Variants in ANXA13 observed in about 807,000 individuals in gnomAD.
ANXA13 encodes annexin XIII.
ANXA13 carries 36 observed loss-of-function variants against 46.6 expected under a neutral mutation model. That is an observed-to-expected ratio of 0.77 (90% CI 0.59 to 1.02). The LOEUF is 1.02. Ranked by LOEUF, ANXA13 falls within the 50% of genes least tolerant of loss-of-function variation. The pLI is 0.00. For missense variants in ANXA13, 417 were observed against 396.5 expected (o/e 1.05, Z -0.44); for synonymous variants, 163 against 152.9 (o/e 1.07, Z -0.49).
chr8:123,693,623 C>G (rs1813280267), intron 7 of ANXA13, 88 bp downstream of exon 7: 3 of 1,179,712 alleles, frequency 2.5e-6, no homozygotes, highest in Non-Finnish European at 3.7e-6. Context: ...CAAGTAACTC[C>G]TCTTTGCATG....
At position 123,684,504 on chromosome 8, in the gene ANXA13, T is replaced by C. The variant is rs1813099984; in HGVS notation, c.831+106A>G. On this transcript the variant is annotated intron_variant, in intron 10 of 10. Transcript: ENST00000419625. ...GGAAGGCAAGGGGCCGTCTCTGTTT[T>C]ACTTTTTCTGTAAATAGGCCCTTAA... 4.0e-6 allele frequency: 3 copies of C among 754,728 alleles called. No homozygotes were observed. In the Admixed American group the frequency reaches 7.1e-5, roughly 18 times the overall value. 46.8% of individuals were successfully genotyped at this position (754,728 alleles called of 1,614,324 possible).
intron 2 of ANXA13, among the ~76,000 whole-genome samples, chr8:123,705,621 A>G (rs1050876161): frequency 6.6e-6 from 1 of 152,238 alleles, no homozygotes; most frequent in African/African-American, 2.4e-5. Flanking sequence ...TGGCCACTAC[A>G]TGGCAGTGTG....
chr8:123,691,841 A>G (rs973308269), intron 8 of ANXA13, among the ~76,000 whole-genome samples: 1 of 152,166 alleles, frequency 6.6e-6, no homozygotes, highest in Non-Finnish European at 1.5e-5. Flanking sequence ...ATCAACTTTG[A>G]GATATTAGCC....
At chr8:123,732,316 G>A (rs140769618) in intron 1 of ANXA13, among the ~76,000 whole-genome samples, 2 of 152,182 alleles carry the variant, frequency 1.3e-5, no homozygotes, top group Admixed American at 6.5e-5. Flanking sequence ...GCTTGGTGGC[G>A]TGAAGGACTC....
At chr8:123,689,072 T>C in intron 8 of ANXA13, 126 bp from the exon 9 acceptor site, 1 of 815,300 alleles carries the variant, frequency 1.2e-6, no homozygotes, top group African/African-American at 1.7e-5. Context: ...AGGGAACTGC[T>C]ATCCTGACTC....
At chr8:123,717,550 A>G (rs1414088318) in intron 1 of ANXA13, among the ~76,000 whole-genome samples, 1 of 152,252 alleles carries the variant, frequency 6.6e-6, no homozygotes, top group African/African-American at 2.4e-5. Flanking sequence ...TACTTGTCAA[A>G]TATTTATCTT....
rs947589971 is a variant in ANXA13, at chr8:123,695,669, A to G, written c.391+19T>C. The G allele has an allele frequency of 1.4e-5, 22 of 1,613,244 alleles. No homozygotes were observed. The African/African-American group carries it at 1.7e-4, about 13-fold the overall frequency. ...AAAGAAACATACTTTATCCAAAGCC[A>G]GAATGAAAAGTCACTTACGCCTTTG... On this transcript the variant is annotated intron_variant, in intron 5 of 10. Transcript: ENST00000419625.
chr8:123,730,591 A>C (rs892176511), intron 1 of ANXA13, among the ~76,000 whole-genome samples: 1 of 152,184 alleles, frequency 6.6e-6, no homozygotes, highest in African/African-American at 2.4e-5. Context: ...ATTTGGAAAG[A>C]GAGTCTTTGT....
intron 3 of ANXA13, among the ~76,000 whole-genome samples, chr8:123,702,048 T>A (rs748199346): frequency 7.2e-5 from 11 of 152,170 alleles, no homozygotes; most frequent in Non-Finnish European, 1.3e-4. Context: ...TACAGCATAA[T>A]AATTGATATT....
chr8:123,704,027 G>T (rs539025233), intron 2 of ANXA13, among the ~76,000 whole-genome samples: 1 of 152,200 alleles, frequency 6.6e-6, no homozygotes, highest in African/African-American at 2.4e-5. Context: ...CCACCTCTAA[G>T]ATGAGGGTAA....
At chr8:123,719,563 G>A (rs1180933296) in intron 1 of ANXA13, among the ~76,000 whole-genome samples, 1 of 152,186 alleles carries the variant, frequency 6.6e-6, no homozygotes, top group Non-Finnish European at 1.5e-5. Context: ...TTTTTAAGGA[G>A]GAGTTGACAT....
intron 2 of ANXA13, among the ~76,000 whole-genome samples, chr8:123,707,499 G>T (rs1586326123): frequency 1.3e-5 from 2 of 152,172 alleles, no homozygotes; most frequent in East Asian, 3.8e-4. Flanking sequence ...TATACACCAT[G>T]GAATACTATG....
chr8:123,703,657 G>C (rs1420171326), intron 2 of ANXA13, among the ~76,000 whole-genome samples: 1 of 152,200 alleles, frequency 6.6e-6, no homozygotes, highest in Non-Finnish European at 1.5e-5. Flanking sequence ...AATCTCAGGA[G>C]AGAAGTCTTG....
At chr8:123,685,493 G>GA (rs948529828) in intron 9 of ANXA13, among the ~76,000 whole-genome samples, 2 of 148,464 alleles carry the variant, frequency 1.3e-5, no homozygotes, top group African/African-American at 5.0e-5. Context: ...CACGTTAGAG[G>GA]AAAAAAAAAA....
intron 1 of ANXA13, among the ~76,000 whole-genome samples, chr8:123,734,018 G>T (rs1174453000): frequency 6.6e-6 from 1 of 152,206 alleles, no homozygotes; most frequent in East Asian, 1.9e-4. Flanking sequence ...TTCCTAACAA[G>T]TGCCCACGCA....
intron 8 of ANXA13, among the ~76,000 whole-genome samples, chr8:123,692,380 G>T (rs1031724074): frequency 6.6e-6 from 1 of 152,062 alleles, no homozygotes; most frequent in African/African-American, 2.4e-5. Flanking sequence ...GAAGTGCTTT[G>T]AGCAGGTAAA....
rs1353084721 is a variant in ANXA13 at position 123,712,735 on chromosome 8, G to A, written c.34C>T (p.Gln12Ter). Residue 12 changes from glutamine to a stop codon, truncating the protein, a stop_gained, in exon 2 of 11, where the codon CAG becomes TAG. Transcript: ENST00000419625. LOFTEE classifies it high-confidence loss of function. ...GNRHAKASSP[Q>*]GFDVDRDAKK... ...GCATCTCGATCCACATCAAAACCCT[G>A]AGGACTGCTCGCTTTAGCCTGGAGA... 6.8e-6 allele frequency: 11 copies of A among 1,614,206 alleles called. No individual in the cohort carries two copies. In the South Asian group the frequency reaches 1.1e-4, roughly 16 times the overall value.
At chr8:123,730,566 C>T (rs926796924) in intron 1 of ANXA13, among the ~76,000 whole-genome samples, 7 of 152,092 alleles carry the variant, frequency 4.6e-5, no homozygotes, top group African/African-American at 9.7e-5. Flanking sequence ...TACTCACAGC[C>T]GCAGAATTCA....
At chr8:123,712,391 C>T (rs996440182) in intron 2 of ANXA13, 4 of 462,262 alleles carry the variant, frequency 8.7e-6, no homozygotes, top group Middle Eastern at 6.4e-4. Context: ...GACTAATACA[C>T]CAGGATTGCA....
Sources: gnomAD v4.1 joint callset for allele counts (sites outside exome capture counted in the v4.1 genomes callset) on GRCh38, gnomAD v4.1.1 for gene constraint, MANE v1.5 for transcripts, NCBI Gene and HGNC (gene_info 2026-07-23, HGNC 2026-07-21) for gene names.